Variants in RBFOX1 observed in about 807,000 individuals in gnomAD.
RBFOX1 encodes the protein RNA binding protein fox-1 homolog 1.
Under a neutral mutation model 57.7 loss-of-function variants are expected in RBFOX1, and 8 were observed. The observed-to-expected ratio is 0.14, with a 90% CI of 0.08 to 0.25. The LOEUF (loss-of-function observed/expected upper bound fraction) is 0.25, where lower values mean the gene tolerates loss of function less well. Among genes scored for constraint, RBFOX1 ranks in the 10% least tolerant of loss-of-function variants. The probability of loss-of-function intolerance (pLI) is 1.00; values close to 1 mark genes in which losing one functional copy is unlikely to be tolerated. For synonymous variants in RBFOX1, 326 were observed against 222.4 expected (o/e 1.47, Z -4.15); for missense variants, 611 against 548.5 (o/e 1.11, Z -1.14).
chr16:6,639,756 G>C (rs1473297821), intron 2 of RBFOX1, among the ~76,000 whole-genome samples: 1 of 152,112 alleles, frequency 6.6e-6, no homozygotes, highest in African/African-American at 2.4e-5. Context: ...TTGGGCGCCT[G>C]TAGTCCCAGC....
chr16:6,584,201 G>A (rs1425622522), intron 2 of RBFOX1, among the ~76,000 whole-genome samples: 2 of 151,822 alleles, frequency 1.3e-5, no homozygotes, highest in East Asian at 1.9e-4. Flanking sequence ...GTAAAACAAA[G>A]GGAAGTCTTG....
At chr16:7,493,532 C>T (rs564586740) in intron 4 of RBFOX1, among the ~76,000 whole-genome samples, 1 of 152,212 alleles carries the variant, frequency 6.6e-6, no homozygotes, top group African/African-American at 2.4e-5. Context: ...CCAGATGAGT[C>T]CAGTGTAATC....
chr16:6,856,974 GAGA>G (rs1470468278), intron 3 of RBFOX1, among the ~76,000 whole-genome samples: 31 of 152,288 alleles, frequency 2.0e-4, no homozygotes, highest in East Asian at 3.9e-4. Flanking sequence ...GAGGGACAAA[GAGA>G]AGGAGGACTT....
At chr16:7,043,760 T>G (rs925313168) in intron 3 of RBFOX1, among the ~76,000 whole-genome samples, 5 of 152,178 alleles carry the variant, frequency 3.3e-5, no homozygotes, top group African/African-American at 9.7e-5. Flanking sequence ...ACTCCTACTT[T>G]CCCCAGTTCA....
chr16:6,971,718 T>G (rs1484279542), intron 3 of RBFOX1, among the ~76,000 whole-genome samples: 1 of 152,088 alleles, frequency 6.6e-6, no homozygotes, highest in Non-Finnish European at 1.5e-5. Context: ...TTAGCAGACC[T>G]GTGGGAGTGT....
At chr16:5,770,552 TG>T (rs1382697810) in intron 3 of RBFOX1, among the ~76,000 whole-genome samples, 1 of 152,210 alleles carries the variant, frequency 6.6e-6, no homozygotes, top group Non-Finnish European at 1.5e-5. Flanking sequence ...AAGTGCTATC[TG>T]CCTATGGGGT....
chr16:5,437,405 G>C (rs557420260), intron 1 of RBFOX1, among the ~76,000 whole-genome samples: 1 of 152,296 alleles, frequency 6.6e-6, no homozygotes, highest in African/African-American at 2.4e-5. Context: ...TTGAACCAGA[G>C]ACTCTGAGAA....
chr16:5,963,975 T>C (rs2059799135), intron 4 of RBFOX1, among the ~76,000 whole-genome samples: 1 of 152,136 alleles, frequency 6.6e-6, no homozygotes, highest in South Asian at 2.1e-4. Context: ...GCCTATGAAA[T>C]GGGAGAAAAT....
chr16:7,408,254 T>C (rs2098380282), intron 4 of RBFOX1, among the ~76,000 whole-genome samples: 1 of 152,206 alleles, frequency 6.6e-6, no homozygotes, highest in African/African-American at 2.4e-5. Flanking sequence ...GATTTTTTTT[T>C]CTCAGCTATG....
intron 3 of RBFOX1, among the ~76,000 whole-genome samples, chr16:7,043,692 A>T (rs976321301): frequency 2.0e-5 from 3 of 152,224 alleles, no homozygotes; most frequent in Admixed American, 1.3e-4. Context: ...TATTGTGGAC[A>T]TGAAAACATG....
At chr16:5,861,004 C>T (rs139200046) in intron 3 of RBFOX1, among the ~76,000 whole-genome samples, 275 of 152,216 alleles carry the variant, frequency 1.8e-3, no homozygotes, top group African/African-American at 6.4e-3. Flanking sequence ...AAAGGGATAC[C>T]AAAGAGAAAC....
intron 1 of RBFOX1, among the ~76,000 whole-genome samples, chr16:6,152,826 A>ATTTTT (rs1456849741): frequency 6.6e-6 from 1 of 152,120 alleles, no homozygotes; most frequent in African/African-American, 2.4e-5. Context: ...CCTCTTAGAG[A>ATTTTT]TGAGAGAAAC....
At chr16:6,671,762 G>T (rs548762536) in intron 3 of RBFOX1, among the ~76,000 whole-genome samples, 2 of 152,200 alleles carry the variant, frequency 1.3e-5, no homozygotes, top group Admixed American at 6.5e-5. Context: ...ACAGTTTCCA[G>T]TCCCATCCAG....
chr16:5,381,917 C>G (rs955480464), intron 1 of RBFOX1, among the ~76,000 whole-genome samples: 1 of 152,212 alleles, frequency 6.6e-6, no homozygotes, highest in Non-Finnish European at 1.5e-5. Flanking sequence ...TGGGGCTGAT[C>G]ATTCTTTGCT....
chr16:6,995,586 C>T (rs1385190191), intron 3 of RBFOX1, among the ~76,000 whole-genome samples: 2 of 151,988 alleles, frequency 1.3e-5, no homozygotes, highest in Non-Finnish European at 2.9e-5. Flanking sequence ...ACACTGAAAC[C>T]TTGTCTCTAC....
chr16:7,680,665 G>C (rs1013638082), intron 14 of RBFOX1, among the ~76,000 whole-genome samples: 1 of 152,112 alleles, frequency 6.6e-6, no homozygotes, highest in Non-Finnish European at 1.5e-5. Context: ...TCTCTAAACT[G>C]AGCAAAAGAT....
rs144007978 is a variant in RBFOX1, at chr16:5,738,390, G to A, written c.319-128913G>A. Among the ~76,000 whole-genome samples, 620 of 151,916 alleles carry A rather than the reference G, an allele frequency of 4.1e-3. 7 individuals carry two copies. Among genetic ancestry groups the A allele is most frequent in the African/African-American group, 0.014 (594 of 41,436 alleles). ...CTCATGCTTGTAATCCCAACAGTTT[G>A]GGAGGCCAAGGCAAGCAGATCACTT... On this transcript the variant is annotated intron_variant, in intron 3 of 19. Transcript: ENST00000641259.
intron 4 of RBFOX1, among the ~76,000 whole-genome samples, chr16:7,149,120 A>G (rs1448187273): frequency 2.0e-5 from 3 of 152,174 alleles, no homozygotes; most frequent in South Asian, 2.1e-4. Context: ...CCAGGTTTCC[A>G]GACATGGAAG....
chr16:7,147,739 T>C (rs2075310148), intron 4 of RBFOX1, among the ~76,000 whole-genome samples: 1 of 152,322 alleles, frequency 6.6e-6, no homozygotes, highest in African/African-American at 2.4e-5. Flanking sequence ...TCTAGGTTAA[T>C]TTCATGTCTT....
Sources: gnomAD v4.1 joint callset for allele counts (sites outside exome capture counted in the v4.1 genomes callset) on GRCh38, gnomAD v4.1.1 for gene constraint, MANE v1.5 for transcripts, NCBI Gene and HGNC (gene_info 2026-07-23, HGNC 2026-07-21) for gene names.